CSNK1A1: variants seen among roughly 807,000 people sequenced by gnomAD.
CSNK1A1 encodes casein kinase 1 alpha 1, also known as casein kinase I isoform alpha.
A neutral mutation model predicts 46.1 loss-of-function variants in CSNK1A1; 7 were observed. That is an observed-to-expected ratio of 0.15 (90% CI 0.09 to 0.29). The LOEUF (loss-of-function observed/expected upper bound fraction) is 0.29, where lower values mean the gene tolerates loss of function less well. Ranked by LOEUF, CSNK1A1 falls within the 10% of genes least tolerant of loss-of-function variation. The probability of loss-of-function intolerance (pLI) is 1.00; values close to 1 mark genes in which losing one functional copy is unlikely to be tolerated. For synonymous variants in CSNK1A1, 137 were observed against 141.5 expected (o/e 0.97, Z 0.23); for missense variants, 96 against 417.1 (o/e 0.23, Z 6.71).
chr5:149,542,612 ATATATATATATATATATATATATATATG>A (rs1762285356), intron 2 of CSNK1A1, among the ~76,000 whole-genome samples: 31 of 11,466 alleles, frequency 2.7e-3, no homozygotes, highest in African/African-American at 5.4e-3. Context: ...ATATATATAT[ATATATATATATATATATATATATATATG>A]TATATATATA....
intron 2 of CSNK1A1, among the ~76,000 whole-genome samples, chr5:149,547,855 G>GT (rs903343537): frequency 0.021 from 2,994 of 143,244 alleles, 83 homozygotes; most frequent in African/African-American, 0.067. Context: ...TTGGAACTTT[G>GT]TTTTTTTTTT....
chr5:149,507,141 T>A lies in CSNK1A1; in HGVS notation c.751-8A>T. The A allele has an allele frequency of 6.3e-7, 1 of 1,594,896 alleles. No individual in the cohort carries two copies. The highest frequency in any genetic ancestry group is 8.6e-7 in the Non-Finnish European group (1 of 1,167,196). On this transcript the variant is annotated splice_polypyrimidine_tract_variant and splice_region_variant and intron_variant, in intron 7 of 9. Transcript: ENST00000377843. Reference sequence around the variant, plus strand: ...AAATTCTGCAGGAAACCCCTATAGGTTCAAGGGTTAAAACAAAGTTAAAAA... The same window carrying A: ...AAATTCTGCAGGAAACCCCTATAGGATCAAGGGTTAAAACAAAGTTAAAAA...
rs150662204 is a variant in CSNK1A1 at position 149,522,686 on chromosome 5, C to A, written c.358-2298G>T. On this transcript the variant is annotated intron_variant, in intron 3 of 9. Transcript: ENST00000377843. ...ACTTACACCTGTTACCTGTCAACCA[C>A]AGAGCAAGACTTAGGTGTCAACTAC... 6.7e-3 allele frequency among the ~76,000 whole-genome samples: 1,015 copies of A among 152,324 alleles called. 16 individuals carry two copies. Among genetic ancestry groups the A allele is most frequent in the African/African-American group, 0.023 (966 of 41,566 alleles).
intron 2 of CSNK1A1, among the ~76,000 whole-genome samples, chr5:149,531,274 C>T (rs1157512379): frequency 1.3e-5 from 2 of 152,136 alleles, no homozygotes; most frequent in African/African-American, 4.8e-5. Flanking sequence ...GTGGCTCATG[C>T]CTGTAATCCC....
chr5:149,498,501 T>A lies in CSNK1A1; in HGVS notation c.1007-1641A>T, dbSNP rs970092060. On this transcript the variant is annotated intron_variant, in intron 9 of 9. Transcript: ENST00000377843. ...TTTCAATTTTAAAATACAGGAAAAG[T>A]TTCAAGCTTCTTGTTTGGGAGTTTA... 8 of 985,246 alleles carry A rather than the reference T, an allele frequency of 8.1e-6. No individual in the cohort carries two copies. The African/African-American group carries it at 1.4e-4, about 17-fold the overall frequency. 61.0% of individuals were successfully genotyped at this position (985,246 alleles called of 1,614,324 possible). A position where few individuals can be genotyped will look rare whatever the true frequency, so the allele number is the denominator to read the frequency against.
At chr5:149,545,122 A>C in intron 2 of CSNK1A1, among the ~76,000 whole-genome samples, 1 of 150,908 alleles carries the variant, frequency 6.6e-6, no homozygotes, top group Admixed American at 6.6e-5. Flanking sequence ...AAAAAGTTAC[A>C]CTTGGATTCC....
At chr5:149,545,468 G>C (rs2113199598) in intron 2 of CSNK1A1, 1 of 546,928 alleles carries the variant, frequency 1.8e-6, no homozygotes, top group Non-Finnish European at 3.3e-6. Flanking sequence ...CTGGGCCTTG[G>C]TTGATCCTTG....
Position 149,550,872 on chromosome 5 carries a change from G to A in CSNK1A1, c.93C>T (p.Ile31=), listed in dbSNP as rs370653184. The A allele has an allele frequency of 6.2e-7, 1 of 1,614,132 alleles. No individual in the cohort carries two copies. Among genetic ancestry groups the A allele is most frequent in the East Asian group, 2.2e-5 (1 of 44,870 alleles). The stretch of plus-strand genomic sequence containing the variant: ...CGTTGGTGATGTTGATCGCCAAATA[G>A]ATGTCCCCGAAGGAGCCAGACCCGA... The part of the protein sequence containing the change: ...RKIGSGSFGD[I]YLAINITNGE... Residue 31 remains isoleucine, a synonymous_variant, in exon 1 of 10, where the codon ATC becomes ATT. Transcript: ENST00000377843. This position sits in a 1 kb window ranked among gnomAD's most constrained non-coding sequence, Gnocchi z 4.3.
At chr5:149,534,482 C>CAAAAAAAAAA (rs10597922) in intron 2 of CSNK1A1, among the ~76,000 whole-genome samples, 11 of 94,986 alleles carry the variant, frequency 1.2e-4, no homozygotes, top group African/African-American at 4.2e-4. Context: ...GACTCTGTCT[C>CAAAAAAAAAA]AAAAAAAAAA....
intron 2 of CSNK1A1, among the ~76,000 whole-genome samples, chr5:149,527,826 G>GT (rs1375885221): frequency 1.3e-5 from 2 of 152,152 alleles, no homozygotes; most frequent in African/African-American, 4.8e-5. Flanking sequence ...AAGGAAGTAA[G>GT]AAGGCGCAAA....
At chr5:149,501,710 C>G (rs1346923317) in intron 9 of CSNK1A1, 1 of 985,274 alleles carries the variant, frequency 1.0e-6, no homozygotes, top group African/African-American at 1.7e-5. Context: ...GGGTTCACTA[C>G]CTTCTGAAAT....
At chr5:149,549,543 G>C (rs1352119533) in intron 2 of CSNK1A1, 1 of 701,114 alleles carries the variant, frequency 1.4e-6, no homozygotes, top group Non-Finnish European at 2.6e-6. Flanking sequence ...AGCATAATTT[G>C]TGAACTCAAG....
chr5:149,523,352 C>T (rs1314535163), intron 3 of CSNK1A1, among the ~76,000 whole-genome samples: 1 of 151,972 alleles, frequency 6.6e-6, no homozygotes, highest in African/African-American at 2.4e-5. Context: ...ACATTAAAGG[C>T]TGTTAACATA....
Position 149,496,364 on chromosome 5 carries a change from T to C in CSNK1A1, c.*489A>G, listed in dbSNP as rs1179324674. 1.3e-5 allele frequency: 2 copies of C among 153,498 alleles called. No homozygotes were observed. The highest frequency in any genetic ancestry group is 1.3e-4 in the Admixed American group (2 of 15,324). The allele number at this position is 153,498 out of a possible 1,614,324, so 9.5% of individuals were successfully genotyped here. Reference sequence around the variant, plus strand: ...GACAAGAAGCCAACCATTTTAAGAATGTTTTAAGTGAACAACTTGCAAACC... The same window carrying C: ...GACAAGAAGCCAACCATTTTAAGAACGTTTTAAGTGAACAACTTGCAAACC... On this transcript the variant is annotated 3_prime_UTR_variant, in exon 10 of 10. Transcript: ENST00000377843.
intron 4 of CSNK1A1, among the ~76,000 whole-genome samples, chr5:149,518,767 T>C (rs887019023): frequency 4.0e-5 from 6 of 148,352 alleles, no homozygotes; most frequent in South Asian, 2.2e-4. Flanking sequence ...AAGACAACTA[T>C]GCGATTAACA....
At chr5:149,529,892 C>G (rs1761837133) in intron 2 of CSNK1A1, among the ~76,000 whole-genome samples, 1 of 151,960 alleles carries the variant, frequency 6.6e-6, no homozygotes, top group African/African-American at 2.4e-5. Context: ...AGATTTCAAG[C>G]TAGGGGTTTG....
At chr5:149,541,245 TG>T (rs1352208684) in intron 2 of CSNK1A1, among the ~76,000 whole-genome samples, 1 of 150,752 alleles carries the variant, frequency 6.6e-6, no homozygotes, top group Non-Finnish European at 1.5e-5. Flanking sequence ...CTCCGTCTCC[TG>T]GGATCAAGCA....
chr5:149,515,753 A>G (rs1183290056), intron 4 of CSNK1A1, among the ~76,000 whole-genome samples: 8 of 152,240 alleles, frequency 5.3e-5, no homozygotes, highest in African/African-American at 1.9e-4. Context: ...TATAATGGAA[A>G]TGTTTACATG....
intron 7 of CSNK1A1, among the ~76,000 whole-genome samples, 172 bp downstream of exon 7, chr5:149,509,707 T>A (rs1761155767): frequency 1.3e-5 from 2 of 152,104 alleles, no homozygotes; most frequent in Admixed American, 6.5e-5. Flanking sequence ...CCCAGCCGGA[T>A]CATTTATCTA....
Sources: allele counts gnomAD v4.1 joint callset (sites outside exome capture counted in the v4.1 genomes callset), GRCh38; gene constraint gnomAD v4.1.1; non-coding constraint Gnocchi (gnomAD v3.1); transcripts MANE v1.5; gene names NCBI Gene and HGNC (gene_info 2026-07-23, HGNC 2026-07-21).